Variants in MVB12B observed in about 807,000 individuals in gnomAD.
The protein encoded by MVB12B is ESCRT-I complex subunit MVB12B.
A neutral mutation model predicts 41.6 loss-of-function variants in MVB12B; 16 were observed. The observed-to-expected ratio is 0.38, with a 90% CI of 0.26 to 0.58. MVB12B has a LOEUF of 0.58. Among genes scored for constraint, MVB12B ranks in the 20% least tolerant of loss-of-function variants. The pLI, the probability that MVB12B is intolerant of heterozygous loss-of-function variation, is 0.62. For synonymous variants in MVB12B, 133 were observed against 139.7 expected (o/e 0.95, Z 0.34); for missense variants, 274 against 380.2 (o/e 0.72, Z 2.32).
rs1831075866 is a variant in MVB12B, at chr9:126,395,239, T to G, written c.540-336T>G. ...TCTCCTAATTGCACAAAGGACTTGA[T>G]GTGGATTATCACGTCACACTCCACA... On this transcript the variant is annotated intron_variant, in intron 5 of 9. Transcript: ENST00000361171. This position sits in a 1 kb window ranked among gnomAD's most constrained non-coding sequence, Gnocchi z 4.9. Among the ~76,000 whole-genome samples, 1 of 152,220 alleles carries G rather than the reference T, an allele frequency of 6.6e-6. No homozygotes were observed. Among genetic ancestry groups the G allele is most frequent in the Non-Finnish European group, 1.5e-5 (1 of 68,042 alleles).
At chr9:126,464,181 G>A (rs1833147159) in intron 7 of MVB12B, among the ~76,000 whole-genome samples, 1 of 152,154 alleles carries the variant, frequency 6.6e-6, no homozygotes, top group South Asian at 2.1e-4. Context: ...CAGATGATCG[G>A]AGCACAGTCA....
intron 7 of MVB12B, among the ~76,000 whole-genome samples, chr9:126,476,378 G>A (rs944280579): frequency 2.6e-5 from 4 of 152,184 alleles, no homozygotes; most frequent in Non-Finnish European, 4.4e-5. Context: ...CAGATGTGAG[G>A]AGGGCCTGCA....
chr9:126,344,375 T>C (rs1829533352), intron 2 of MVB12B, among the ~76,000 whole-genome samples: 2 of 152,258 alleles, frequency 1.3e-5, no homozygotes, highest in African/African-American at 2.4e-5. Context: ...ACCCCTTGCA[T>C]CCTGCTTCGA....
chr9:126,445,019 A>G (rs1023257502), intron 7 of MVB12B, among the ~76,000 whole-genome samples: 1 of 152,134 alleles, frequency 6.6e-6, no homozygotes. Context: ...ATTTTTCAGA[A>G]TGTTCCAGGT....
rs775393644 is a variant in MVB12B, at chr9:126,480,084, C to T, written c.758-1285C>T. 6.6e-6 allele frequency among the ~76,000 whole-genome samples: 1 copy of T among 152,174 alleles called. No homozygotes were observed. The highest frequency in any genetic ancestry group is 1.5e-5 in the Non-Finnish European group (1 of 68,032). The stretch of plus-strand genomic sequence containing the variant: ...AAGCAAAGATTGTTGGTCCCAGGAG[C>T]GCACTGCCCGACGCTGCCCCCATGC... On this transcript the variant is annotated intron_variant, in intron 7 of 9. Coordinates refer to ENST00000361171, the MANE Select transcript of MVB12B (RefSeq NM_033446.3). The surrounding 1 kb of genome is among the most constrained non-coding windows in gnomAD (Gnocchi z 4.9).
chr9:126,367,253 C>T lies in MVB12B; in HGVS notation c.205-13811C>T, dbSNP rs1830208460. On this transcript the variant is annotated intron_variant, in intron 2 of 9. Coordinates refer to ENST00000361171, the MANE Select transcript of MVB12B (RefSeq NM_033446.3). This position sits in a 1 kb window ranked among gnomAD's most constrained non-coding sequence, Gnocchi z 4.3. ...CTGCCCGGGGCTCTCCAGCCACGCT[C>T]CCCCTCTTGCTCCCTAGGATGGGGC... is the stretch of plus-strand genomic sequence containing the variant. 6.6e-6 allele frequency among the ~76,000 whole-genome samples: 1 copy of T among 152,112 alleles called. No homozygotes were observed. The highest frequency in any genetic ancestry group is 6.5e-5 in the Admixed American group (1 of 15,282).
chr9:126,402,521 G>A (rs1831293794), intron 6 of MVB12B, among the ~76,000 whole-genome samples: 1 of 152,202 alleles, frequency 6.6e-6, no homozygotes, highest in African/African-American at 2.4e-5. Context: ...GCACAAGCCT[G>A]TGGTCCTAGC....
chr9:126,492,919 G>A (rs1040127626), intron 9 of MVB12B, among the ~76,000 whole-genome samples: 13 of 152,292 alleles, frequency 8.5e-5, no homozygotes, highest in South Asian at 8.3e-4. Context: ...GTGTTCTCAC[G>A]CGAGCGTCTT....
chr9:126,454,594 G>T (rs1832943195), intron 7 of MVB12B, among the ~76,000 whole-genome samples: 1 of 152,246 alleles, frequency 6.6e-6, no homozygotes, highest in Non-Finnish European at 1.5e-5. Context: ...TACATTTGCA[G>T]TGGCCAGGGG....
Position 126,389,171 on chromosome 9 carries a change from T to C in MVB12B, c.409+2513T>C, listed in dbSNP as rs1290089598. On this transcript the variant is annotated intron_variant, in intron 4 of 9. Transcript: ENST00000361171. This position sits in a 1 kb window ranked among gnomAD's most constrained non-coding sequence, Gnocchi z 4.4. The stretch of plus-strand genomic sequence containing the variant: ...ACTCTGAGATCGGTCCTGGGCCCAA[T>C]GCCAGGTGCCTTGTCACACAGGAGG... Among the ~76,000 whole-genome samples the C allele has an allele frequency of 6.6e-6, 1 of 152,144 alleles. No homozygotes were observed. Among genetic ancestry groups the C allele is most frequent in the Non-Finnish European group, 1.5e-5 (1 of 68,026 alleles).
intron 7 of MVB12B, among the ~76,000 whole-genome samples, chr9:126,439,785 T>G (rs1832585155): frequency 6.6e-6 from 1 of 152,222 alleles, no homozygotes; most frequent in Non-Finnish European, 1.5e-5. Flanking sequence ...AGTAATAATT[T>G]GGTAGTAATG....
At chr9:126,383,732 C>T (rs1050735089) in intron 3 of MVB12B, among the ~76,000 whole-genome samples, 8 of 151,882 alleles carry the variant, frequency 5.3e-5, no homozygotes, top group Non-Finnish European at 1.0e-4. Flanking sequence ...TTAATGGTGT[C>T]GCAGACCCAC....
chr9:126,410,639 C>G (rs1450546062), intron 6 of MVB12B, among the ~76,000 whole-genome samples: 1 of 152,170 alleles, frequency 6.6e-6, no homozygotes, highest in Non-Finnish European at 1.5e-5. Context: ...CCATGCAAGT[C>G]AAATCCCATT....
At chr9:126,470,914 C>T (rs192547221) in intron 7 of MVB12B, among the ~76,000 whole-genome samples, 1 of 152,298 alleles carries the variant, frequency 6.6e-6, no homozygotes, top group Admixed American at 6.5e-5. Flanking sequence ...TCCCTCTGTA[C>T]AGCAGTAATA....
chr9:126,350,337 G>C (rs1378618741), intron 2 of MVB12B, among the ~76,000 whole-genome samples: 1 of 152,062 alleles, frequency 6.6e-6, no homozygotes, highest in African/African-American at 2.4e-5. Flanking sequence ...TTTTAATTTT[G>C]ATGAAGTCCA....
At chr9:126,393,323 G>T (rs1021471144) in intron 5 of MVB12B, among the ~76,000 whole-genome samples, 1 of 152,248 alleles carries the variant, frequency 6.6e-6, no homozygotes, top group Non-Finnish European at 1.5e-5. Flanking sequence ...CCTGGCTCCG[G>T]TGCTGGGCTC....
intron 8 of MVB12B, among the ~76,000 whole-genome samples, chr9:126,482,437 C>T (rs1833542410): frequency 6.6e-6 from 1 of 152,254 alleles, no homozygotes; most frequent in East Asian, 1.9e-4. Context: ...TTCTGGTAAG[C>T]AGCTTAATCT....
At chr9:126,456,865 T>TAAAAG (rs3052882) in intron 7 of MVB12B, among the ~76,000 whole-genome samples, 133,942 of 151,660 alleles carry the variant, frequency 0.88, 59,257 homozygotes, top group East Asian at 1. Context: ...CTTCAGTTTA[T>TAAAAG]AAAAGAAAAA....
intron 9 of MVB12B, among the ~76,000 whole-genome samples, chr9:126,497,905 C>T (rs774285499): frequency 6.6e-6 from 1 of 152,240 alleles, no homozygotes; most frequent in Non-Finnish European, 1.5e-5. Flanking sequence ...CGCCCACACC[C>T]ACTGAAGTAC....
Sources: allele counts gnomAD v4.1 joint callset (sites outside exome capture counted in the v4.1 genomes callset), GRCh38; gene constraint gnomAD v4.1.1; non-coding constraint Gnocchi (gnomAD v3.1); transcripts MANE v1.5; gene names NCBI Gene and HGNC (gene_info 2026-07-23, HGNC 2026-07-21).